The following MAGI2 variants were observed in gnomAD, a reference collection of about 807,000 sequenced individuals.
The protein encoded by MAGI2 is membrane associated guanylate kinase, WW and PDZ domain containing 2, also known as membrane-associated guanylate kinase, WW and PDZ domain-containing protein 2.
A neutral mutation model predicts 133.3 loss-of-function variants in MAGI2; 35 were observed. The observed-to-expected ratio is 0.26, with a 90% CI of 0.20 to 0.35. MAGI2 has a LOEUF of 0.35. Among genes scored for constraint, MAGI2 ranks in the 10% least tolerant of loss-of-function variants. MAGI2 has a pLI of 1.00. For missense variants in MAGI2, 1,636 were observed against 1,863.4 expected (o/e 0.88, Z 2.25); for synonymous variants, 729 against 710.6 (o/e 1.03, Z -0.41).
intron 6 of MAGI2, among the ~76,000 whole-genome samples, chr7:78,380,544 G>A (rs13235825): frequency 0.62 from 93,590 of 151,832 alleles, 29,156 homozygotes; most frequent in East Asian, 0.76. Context: ...GCTAAAACTT[G>A]AAACAACCGA....
chr7:78,965,395 T>C (rs1803223827), intron 2 of MAGI2, among the ~76,000 whole-genome samples: 1 of 151,970 alleles, frequency 6.6e-6, no homozygotes, highest in African/African-American at 2.4e-5. Flanking sequence ...TGGAGCACAT[T>C]TCTTGGAGGC....
chr7:79,130,496 G>A (rs920240034), intron 1 of MAGI2, among the ~76,000 whole-genome samples: 1 of 152,110 alleles, frequency 6.6e-6, no homozygotes, highest in Non-Finnish European at 1.5e-5. Context: ...TAAGGATGCC[G>A]CGGCTAAGAA....
chr7:78,603,199 C>A (rs1167116399), intron 3 of MAGI2, among the ~76,000 whole-genome samples: 1 of 152,146 alleles, frequency 6.6e-6, no homozygotes, highest in African/African-American at 2.4e-5. Context: ...AAATTTTGAG[C>A]TTCATAAGGA....
chr7:79,103,837 C>A (rs945054788), intron 1 of MAGI2, among the ~76,000 whole-genome samples: 4 of 151,078 alleles, frequency 2.6e-5, no homozygotes, highest in African/African-American at 4.8e-5. Flanking sequence ...GTAGCTGGGA[C>A]TACAGGCGCC....
intron 3 of MAGI2, among the ~76,000 whole-genome samples, chr7:78,580,828 A>G (rs1429295019): frequency 6.6e-6 from 1 of 152,172 alleles, no homozygotes. Context: ...AATTATTTTT[A>G]AACAAAAACA....
intron 1 of MAGI2, among the ~76,000 whole-genome samples, chr7:79,347,878 G>C (rs1331864492): frequency 2.0e-5 from 3 of 151,874 alleles, no homozygotes; most frequent in African/African-American, 7.2e-5. Flanking sequence ...AAAATCTTAA[G>C]TAAAATTACT....
At chr7:79,121,672 A>G (rs1819915825) in intron 1 of MAGI2, among the ~76,000 whole-genome samples, 1 of 152,146 alleles carries the variant, frequency 6.6e-6, no homozygotes, top group Non-Finnish European at 1.5e-5. Context: ...TAGGTTAAAG[A>G]TCTTGCAATA....
At chr7:79,404,824 T>C (rs1290510034) in intron 1 of MAGI2, among the ~76,000 whole-genome samples, 1 of 152,142 alleles carries the variant, frequency 6.6e-6, no homozygotes, top group Non-Finnish European at 1.5e-5. Flanking sequence ...ACCTGGGCAT[T>C]ACTTCCAAGC....
chr7:78,048,292 C>T lies in MAGI2; in HGVS notation c.3707-28316G>A, dbSNP rs1336792036. Among the ~76,000 whole-genome samples the T allele has an allele frequency of 2.6e-5, 4 of 152,154 alleles. No homozygotes were observed. In the East Asian group the frequency reaches 7.7e-4, roughly 29 times the overall value. On this transcript the variant is annotated intron_variant, in intron 21 of 21. Transcript: ENST00000354212. ...CTTTTTACACTTGAAGGGATAGTGT[C>T]TTAGGAAGAACGCTCCAGTGGAGAA... is the stretch of plus-strand genomic sequence containing the variant.
At chr7:79,177,721 T>C (rs1460431127) in intron 1 of MAGI2, among the ~76,000 whole-genome samples, 5 of 152,098 alleles carry the variant, frequency 3.3e-5, no homozygotes, top group Non-Finnish European at 5.9e-5. Context: ...ACTTTACATA[T>C]GCTAACCATT....
intron 2 of MAGI2, among the ~76,000 whole-genome samples, chr7:78,655,680 T>A (rs1812161760): frequency 6.6e-6 from 1 of 151,778 alleles, no homozygotes. Context: ...AAGATATGTG[T>A]TTAGAAAGAA....
chr7:78,791,451 G>T (rs1827232480), intron 2 of MAGI2, among the ~76,000 whole-genome samples: 1 of 151,458 alleles, frequency 6.6e-6, no homozygotes, highest in African/African-American at 2.4e-5. Flanking sequence ...TCTTCTGGAA[G>T]TTTATTTTAA....
chr7:79,233,897 C>G (rs564650424), intron 1 of MAGI2, among the ~76,000 whole-genome samples: 6 of 151,798 alleles, frequency 4.0e-5, no homozygotes, highest in African/African-American at 1.4e-4. Flanking sequence ...TCTTGATGGT[C>G]TTTACATTTT....
intron 3 of MAGI2, among the ~76,000 whole-genome samples, chr7:78,557,973 CTCTTT>C (rs1563166658): frequency 3.1e-5 from 2 of 64,680 alleles, no homozygotes; most frequent in African/African-American, 1.1e-4. Flanking sequence ...TTTATTGGAA[CTCTTT>C]TTTTTTTTTA....
intron 1 of MAGI2, among the ~76,000 whole-genome samples, chr7:79,020,337 G>A (rs768405520): frequency 1.3e-5 from 2 of 152,146 alleles, no homozygotes; most frequent in African/African-American, 2.4e-5. Context: ...ACAAAAATAT[G>A]TTTTGGAAAT....
At chr7:79,254,002 CAAAA>C (rs1306204697) in intron 1 of MAGI2, among the ~76,000 whole-genome samples, 1 of 151,632 alleles carries the variant, frequency 6.6e-6, no homozygotes, top group Non-Finnish European at 1.5e-5. Context: ...CAAAACAAAA[CAAAA>C]CAAAACAAAA....
chr7:78,076,079 T>G (rs772063598), intron 21 of MAGI2, among the ~76,000 whole-genome samples: 1 of 152,330 alleles, frequency 6.6e-6, no homozygotes, highest in Non-Finnish European at 1.5e-5. Flanking sequence ...GCAAGTATGA[T>G]TTAATGTTCC....
intron 1 of MAGI2, chr7:79,411,339 T>C (rs1846128197): frequency 6.6e-6 from 1 of 152,126 alleles, no homozygotes; most frequent in Admixed American, 6.6e-5. Flanking sequence ...GCTACACAGG[T>C]GAGCCCAATT....
intron 2 of MAGI2, among the ~76,000 whole-genome samples, chr7:78,706,730 A>G (rs323165): frequency 0.68 from 103,191 of 151,964 alleles, 35,189 homozygotes; most frequent in East Asian, 0.84. Context: ...AAATGTGGAG[A>G]ACAGAAGATA....
Sources: gnomAD v4.1 joint callset for allele counts (sites outside exome capture counted in the v4.1 genomes callset) on GRCh38, gnomAD v4.1.1 for gene constraint, MANE v1.5 for transcripts, NCBI Gene and HGNC (gene_info 2026-07-23, HGNC 2026-07-21) for gene names.